Variants in ARL17B observed in about 807,000 individuals in gnomAD.
The protein encoded by ARL17B is ADP-ribosylation factor-like protein 17.
intron 3 of ARL17B, among the ~76,000 whole-genome samples, chr17:46,327,825 C>A (rs1302174167): frequency 4.5e-4 from 5 of 11,148 alleles, no homozygotes; most frequent in African/African-American, 6.7e-4. Flanking sequence ...AACTCCTCCT[C>A]TTTCTTTTTC....
At chr17:46,284,279 C>A (rs868646198) in intron 4 of ARL17B, among the ~76,000 whole-genome samples, 2 of 148,668 alleles carry the variant, frequency 1.3e-5, no homozygotes, top group African/African-American at 2.4e-5. Flanking sequence ...GAGGTCCCTG[C>A]GGCCTTCCGC....
chr17:46,285,404 C>T (rs1302423665), intron 4 of ARL17B, among the ~76,000 whole-genome samples: 2 of 152,040 alleles, frequency 1.3e-5, no homozygotes, highest in Non-Finnish European at 2.9e-5. Flanking sequence ...CCACACCCGA[C>T]TAGTTTTTTG....
At chr17:46,298,682 C>T (rs2050238571), downstream of ARL17B, among the ~76,000 whole-genome samples, 1 of 100,766 alleles carries the variant, frequency 9.9e-6, no homozygotes, top group African/African-American at 3.1e-5. Flanking sequence ...CGAGATTGCA[C>T]CACTGCACTC....
chr17:46,357,255 A>C (rs1268916268), intron 2 of ARL17B, among the ~76,000 whole-genome samples: 2 of 97,884 alleles, frequency 2.0e-5, no homozygotes, highest in African/African-American at 8.2e-5. Flanking sequence ...TAATGTTCAC[A>C]TGCCACCTGT....
At chr17:46,277,911 G>A (rs2049636700) in intron 4 of ARL17B, among the ~76,000 whole-genome samples, 2 of 152,204 alleles carry the variant, frequency 1.3e-5, no homozygotes, top group Non-Finnish European at 2.9e-5. Context: ...AAAAGTGCTA[G>A]GATTACGGAC....
In ARL17B at chr17:46,307,862, A is replaced by C. The variant is rs1246492333; in HGVS notation, c.260-8197T>G. ...ACCTGTCTCTACTAAAAATACAAAA[A>C]TTAGGTGGGCATGGTGACAGGCAAC... On this transcript the variant is annotated intron_variant, in intron 3 of 4. Transcript: ENST00000434041. 1.0e-4 allele frequency among the ~76,000 whole-genome samples: 8 copies of C among 77,694 alleles called. 3 individuals are homozygous for C. In the Admixed American group the frequency reaches 1.1e-3, roughly 10 times the overall value. 51.0% of individuals were successfully genotyped at this position (77,694 alleles called of 152,430 possible). A position where few individuals can be genotyped will look rare whatever the true frequency, so the allele number is the denominator to read the frequency against.
intron 4 of ARL17B, among the ~76,000 whole-genome samples, chr17:46,285,485 C>T (rs922402974): frequency 6.6e-6 from 1 of 152,040 alleles, no homozygotes; most frequent in African/African-American, 2.4e-5. Flanking sequence ...CATGATTTGC[C>T]CACCTCAGCC....
intron 4 of ARL17B, among the ~76,000 whole-genome samples, chr17:46,290,696 C>T (rs1380904761): frequency 6.6e-6 from 1 of 152,240 alleles, no homozygotes; most frequent in Non-Finnish European, 1.5e-5. Context: ...ATCGTTTCAC[C>T]TCAGCCTCCC....
chr17:46,287,445 A>G (rs2049949531), intron 4 of ARL17B, among the ~76,000 whole-genome samples: 1 of 152,266 alleles, frequency 6.6e-6, no homozygotes, highest in South Asian at 2.1e-4. Flanking sequence ...GCAAACACCA[A>G]GTAGAAGTTA....
Position 46,278,696 on chromosome 17 carries a change from C to T in ARL17B, c.*22-3278G>A, listed in dbSNP as rs550738935. On this transcript the variant is annotated intron_variant, in intron 4 of 4. Transcript: ENST00000570618. The stretch of plus-strand genomic sequence containing the variant: ...AGATTACAGGTGTGGGCCACCGCAC[C>T]TGGCTGAGTCCAAGTTTTATTTCCC... Among the ~76,000 whole-genome samples the T allele has an allele frequency of 4.6e-5, 7 of 152,298 alleles. No individual in the cohort carries two copies. In the South Asian group the frequency reaches 1.4e-3, roughly 32 times the overall value.
Position 46,322,312 on chromosome 17 carries a change from C to T in ARL17B, c.260-22647G>A, listed in dbSNP as rs765165359. 5.5e-6 allele frequency: 4 copies of T among 722,216 alleles called. 1 individual carries two copies. In the South Asian group the frequency reaches 1.2e-4, roughly 21 times the overall value. The allele number at this position is 722,216 out of a possible 1,614,324, so 44.7% of individuals were successfully genotyped here. ...AATGCAGGTTATTTTAATTCTATTC[C>T]ATTTTTCAGAATTCTCAATCACAAT... On this transcript the variant is annotated intron_variant, in intron 3 of 4. Transcript: ENST00000434041.
intron 3 of ARL17B, among the ~76,000 whole-genome samples, chr17:46,317,125 G>A (rs868251102): frequency 3.4e-5 from 3 of 88,502 alleles, no homozygotes; most frequent in South Asian, 4.4e-4. Context: ...TGAGCTGTTG[G>A]GTACACCTCC....
intron 4 of ARL17B, among the ~76,000 whole-genome samples, chr17:46,276,519 G>A (rs2668628): frequency 0.14 from 21,771 of 151,674 alleles, 1,915 homozygotes; most frequent in Non-Finnish European, 0.22. Flanking sequence ...ATCACAATCC[G>A]TAAGAAAAGA....
chr17:46,305,524 T>G, intron 3 of ARL17B: 1 of 401,240 alleles, frequency 2.5e-6, no homozygotes, highest in African/African-American at 2.4e-5. Flanking sequence ...TATCCTGCAA[T>G]AAAATACAGT....
chr17:46,288,300 C>A (rs1414963741), intron 4 of ARL17B, among the ~76,000 whole-genome samples: 1 of 149,468 alleles, frequency 6.7e-6, no homozygotes, highest in East Asian at 2.0e-4. Context: ...CACCACCAGG[C>A]CCGGCTTTTT....
At chr17:46,275,267 GT>G (rs35871526) in exon 5 of ARL17B, 127,760 of 514,550 alleles carry the variant, frequency 0.25, 18,710 homozygotes, top group Non-Finnish European at 0.32. Flanking sequence ...TAAAAACAAA[GT>G]TTAGGTCAAG....
intron 4 of ARL17B, among the ~76,000 whole-genome samples, chr17:46,279,466 G>A (rs1415403835): frequency 6.6e-6 from 1 of 150,468 alleles, no homozygotes; most frequent in Non-Finnish European, 1.5e-5. Context: ...TTACAGGCAT[G>A]AGCCACCGCA....
intron 4 of ARL17B, among the ~76,000 whole-genome samples, chr17:46,282,420 T>TG (rs1044083588): frequency 7.3e-5 from 11 of 151,200 alleles, no homozygotes; most frequent in Middle Eastern, 3.2e-3. Flanking sequence ...TTTGTTTGTT[T>TG]TTTTTTTTTA....
At chr17:46,304,908 G>A (rs1268736677) in intron 3 of ARL17B, among the ~76,000 whole-genome samples, 2 of 68,198 alleles carry the variant, frequency 2.9e-5, no homozygotes, top group Admixed American at 1.7e-4. Context: ...TCGCTCTGTC[G>A]CCCAGGCTGG....
Sources: allele counts gnomAD v4.1 joint callset (sites outside exome capture counted in the v4.1 genomes callset), GRCh38; gene constraint gnomAD v4.1.1; transcripts MANE v1.5; gene names NCBI Gene and HGNC (gene_info 2026-07-23, HGNC 2026-07-21).